Variants in GABRA1 observed in about 807,000 individuals in gnomAD.
GABRA1 encodes the protein gamma-aminobutyric acid receptor subunit alpha-1.
Under a neutral mutation model 48.9 loss-of-function variants are expected in GABRA1, and 9 were observed. The observed-to-expected ratio is 0.18, with a 90% CI of 0.11 to 0.32. The LOEUF (loss-of-function observed/expected upper bound fraction) is 0.32. Among genes scored for constraint, GABRA1 ranks in the 10% least tolerant of loss-of-function variants. GABRA1 has a pLI of 1.00. For missense variants in GABRA1, 285 were observed against 553.8 expected (o/e 0.51, Z 4.87); for synonymous variants, 210 against 198.7 (o/e 1.06, Z -0.48).
At chr5:161,893,004 C>CAAAAAAAAA (rs201136274) in intron 8 of GABRA1, among the ~76,000 whole-genome samples, 1 of 33,964 alleles carries the variant, frequency 2.9e-5, no homozygotes, top group African/African-American at 1.5e-4. Flanking sequence ...GACTCCTTCT[C>CAAAAAAAAA]AAAAAAATAA....
intron 3 of GABRA1, 62 bp from the exon 4 acceptor site, chr5:161,865,659 G>C: frequency 7.8e-7 from 1 of 1,286,268 alleles, no homozygotes; most frequent in Non-Finnish European, 1.1e-6. Context: ...TCAGTATGTG[G>C]TGGTGAGATC....
At chr5:161,865,335 C>G (rs1263832350) in intron 3 of GABRA1, among the ~76,000 whole-genome samples, 1 of 152,018 alleles carries the variant, frequency 6.6e-6, no homozygotes, top group Non-Finnish European at 1.5e-5. Flanking sequence ...CAAGAGGAGC[C>G]TAAATACCTG....
chr5:161,870,731 C>G (rs566352310), intron 4 of GABRA1, among the ~76,000 whole-genome samples: 1 of 152,040 alleles, frequency 6.6e-6, no homozygotes, highest in South Asian at 2.1e-4. Flanking sequence ...TGAACTGTGC[C>G]CATGGGGCAA....
At chr5:161,881,324 T>G (rs1018345840) in intron 6 of GABRA1, among the ~76,000 whole-genome samples, 2 of 152,132 alleles carry the variant, frequency 1.3e-5, no homozygotes, top group African/African-American at 2.4e-5. Flanking sequence ...CTATGTGAAG[T>G]GGGTGTTATA....
intron 4 of GABRA1, 94 bp downstream of exon 4, chr5:161,865,882 GAA>G (rs1753814629): frequency 1.0e-6 from 1 of 969,470 alleles, no homozygotes; most frequent in African/African-American, 1.6e-5. Flanking sequence ...GGAGCAACCT[GAA>G]AAGTCTTGGC....
intron 1 of GABRA1, among the ~76,000 whole-genome samples, chr5:161,849,443 A>G (rs1399340081): frequency 3.3e-5 from 5 of 152,162 alleles, no homozygotes; most frequent in Admixed American, 3.3e-4. Context: ...CTGTTTCAAA[A>G]CCAGTCACTA....
intron 5 of GABRA1, among the ~76,000 whole-genome samples, 183 bp downstream of exon 5, chr5:161,873,520 G>A (rs1354830617): frequency 6.6e-6 from 1 of 152,066 alleles, no homozygotes; most frequent in Non-Finnish European, 1.5e-5. Context: ...TATTATTTAT[G>A]CAAATGTTTA....
intron 7 of GABRA1, among the ~76,000 whole-genome samples, chr5:161,887,818 T>C (rs1754914652): frequency 6.6e-6 from 1 of 152,108 alleles, no homozygotes; most frequent in Non-Finnish European, 1.5e-5. Flanking sequence ...ATAGAGTTTT[T>C]AAAAAGTGCT....
At chr5:161,858,760 G>A (rs1757744948) in intron 3 of GABRA1, among the ~76,000 whole-genome samples, 1 of 151,686 alleles carries the variant, frequency 6.6e-6, no homozygotes, top group African/African-American at 2.4e-5. Context: ...TTGAATTTCC[G>A]AAGAAAGACC....
intron 1 of GABRA1, chr5:161,849,001 C>T (rs1373599068): frequency 2.0e-5 from 9 of 455,268 alleles, no homozygotes; most frequent in Non-Finnish European, 4.0e-5. Flanking sequence ...AACACGAAAA[C>T]TCAACTTAGT....
At chr5:161,850,459 A>G in intron 1 of GABRA1, 2 of 470,736 alleles carry the variant, frequency 4.2e-6, no homozygotes, top group Non-Finnish European at 7.4e-6. Context: ...GATGATAAAC[A>G]ACAAGAAGAG....
At chr5:161,858,064 A>G (rs1270163702) in intron 3 of GABRA1, among the ~76,000 whole-genome samples, 1 of 151,508 alleles carries the variant, frequency 6.6e-6, no homozygotes, top group Non-Finnish European at 1.5e-5. Context: ...GAGGAAGTGA[A>G]GAAGAGCAAA....
intron 8 of GABRA1, among the ~76,000 whole-genome samples, chr5:161,893,730 G>T (rs1416716935): frequency 1.3e-5 from 2 of 152,114 alleles, no homozygotes; most frequent in Non-Finnish European, 2.9e-5. Flanking sequence ...CATGGCATTG[G>T]CAAATTTACT....
In GABRA1 at chr5:161,855,785, ATTACT is replaced by A. The variant is rs111710634; in HGVS notation, c.187+1520_187+1524del. On this transcript the variant is annotated intron_variant, in intron 3 of 9. Transcript: ENST00000393943. ...GAAAATACTGGTTGTAATGTATCTG[ATTACT>A]TTACCTAATCTCCTCCCTACCCTAT... 4.6e-5 allele frequency among the ~76,000 whole-genome samples: 7 copies of A among 151,342 alleles called. No individual in the cohort carries two copies. The South Asian group carries it at 1.5e-3, about 31-fold the overall frequency.
intron 6 of GABRA1, among the ~76,000 whole-genome samples, chr5:161,881,381 T>C (rs995647984): frequency 8.5e-5 from 13 of 152,152 alleles, no homozygotes; most frequent in African/African-American, 2.9e-4. Flanking sequence ...CTTCTCTTTC[T>C]CTCTCACTCT....
At chr5:161,891,669 C>A (rs985171619) in intron 8 of GABRA1, among the ~76,000 whole-genome samples, 1 of 152,098 alleles carries the variant, frequency 6.6e-6, no homozygotes, top group Non-Finnish European at 1.5e-5. Context: ...CTTATTTCCT[C>A]ATGTATTATT....
intron 3 of GABRA1, among the ~76,000 whole-genome samples, chr5:161,854,745 A>G (rs1390669028): frequency 6.6e-6 from 1 of 151,666 alleles, no homozygotes; most frequent in East Asian, 1.9e-4. Flanking sequence ...GGAATGAGAT[A>G]GATGGTAGTG....
At chr5:161,860,501 G>T (rs973408590) in intron 3 of GABRA1, among the ~76,000 whole-genome samples, 1 of 150,672 alleles carries the variant, frequency 6.6e-6, no homozygotes, top group African/African-American at 2.4e-5. Context: ...GGGGAGGGAG[G>T]TGGGGATGGT....
At chr5:161,877,969 TCACAATG>T (rs1754435364) in intron 6 of GABRA1, among the ~76,000 whole-genome samples, 1 of 152,174 alleles carries the variant, frequency 6.6e-6, no homozygotes, top group Non-Finnish European at 1.5e-5. Flanking sequence ...GTCTTGTTGA[TCACAATG>T]CACATTTATT....
Sources: gnomAD v4.1 joint callset for allele counts (sites outside exome capture counted in the v4.1 genomes callset) on GRCh38, gnomAD v4.1.1 for gene constraint, MANE v1.5 for transcripts, NCBI Gene and HGNC (gene_info 2026-07-23, HGNC 2026-07-21) for gene names.